The following TAOK1 variants were observed in gnomAD, a reference collection of about 807,000 sequenced individuals.
TAOK1 encodes serine/threonine-protein kinase TAO1.
A neutral mutation model predicts 138.3 loss-of-function variants in TAOK1; 21 were observed. The observed-to-expected ratio is 0.15, with a 90% confidence interval of 0.11 to 0.22. TAOK1 has a LOEUF of 0.22. TAOK1 is among the 10% of genes least tolerant of loss of function. The probability of loss-of-function intolerance (pLI) is 1.00; values close to 1 mark genes in which losing one functional copy is unlikely to be tolerated. For missense variants in TAOK1, 651 were observed against 1,227.7 expected, an observed-to-expected ratio of 0.53 and a Z score of 7.02; for synonymous variants, 361 against 398.4, an observed-to-expected ratio of 0.91 and a Z score of 1.12.
intron 13 of TAOK1, among the ~76,000 whole-genome samples, chr17:29,505,972 A>G (rs591433): frequency 0.38 from 57,518 of 152,058 alleles, 12,098 homozygotes; most frequent in Non-Finnish European, 0.48. Flanking sequence ...GATGAAAGAT[A>G]ACAAGTATTG....
At chr17:29,394,127 T>C (rs1199954466) in intron 1 of TAOK1, among the ~76,000 whole-genome samples, 1 of 150,524 alleles carries the variant, frequency 6.6e-6, no homozygotes, top group Non-Finnish European at 1.5e-5. Flanking sequence ...ACCATGAGTA[T>C]GATTTATTTT....
chr17:29,532,504 G>A (rs2032136870), intron 18 of TAOK1, among the ~76,000 whole-genome samples: 1 of 152,066 alleles, frequency 6.6e-6, no homozygotes, highest in South Asian at 2.1e-4. Flanking sequence ...CCTTCCCAGT[G>A]TTTGTGTCCC....
rs1195053583 is a variant in TAOK1, at chr17:29,549,595, A to G, written c.*6573A>G. On this transcript the variant is annotated 3_prime_UTR_variant, in exon 20 of 20. Coordinates refer to ENST00000261716, the MANE Select transcript of TAOK1 (RefSeq NM_020791.4). ...TACCGTAAATTGCACATGGTCATGG[A>G]CTGAATTATGTGACTTTAAAGGATG... 6.6e-6 allele frequency: 1 copy of G among 152,138 alleles called. No homozygotes were observed. Among genetic ancestry groups the G allele is most frequent in the Non-Finnish European group, 1.5e-5 (1 of 68,012 alleles). The allele number at this position is 152,138 out of a possible 1,614,324, so 9.4% of individuals were successfully genotyped here.
intron 1 of TAOK1, among the ~76,000 whole-genome samples, chr17:29,424,553 G>C (rs1276913170): frequency 1.3e-5 from 2 of 151,882 alleles, no homozygotes; most frequent in Non-Finnish European, 2.9e-5. Flanking sequence ...GGTTGCTAAA[G>C]TATAGAAGTT....
intron 3 of TAOK1, among the ~76,000 whole-genome samples, chr17:29,470,767 CAATAAAGCAAATATCAT>C (rs1450657443): frequency 2.0e-5 from 3 of 152,048 alleles, no homozygotes; most frequent in African/African-American, 7.2e-5. Flanking sequence ...TCAACCACTA[CAATAAAGCAAATATCAT>C]AATAAAGCAA....
At chr17:29,490,646 G>T (rs1400439622) in intron 9 of TAOK1, among the ~76,000 whole-genome samples, 1 of 152,128 alleles carries the variant, frequency 6.6e-6, no homozygotes, top group Admixed American at 6.6e-5. Flanking sequence ...TATATAGAAC[G>T]AATCTTTTGA....
chr17:29,469,693 T>C (rs1482004362), intron 3 of TAOK1, among the ~76,000 whole-genome samples: 1 of 152,242 alleles, frequency 6.6e-6, no homozygotes, highest in African/African-American at 2.4e-5. Context: ...TCTACATATG[T>C]ATCTATATCT....
intron 16 of TAOK1, among the ~76,000 whole-genome samples, chr17:29,519,313 C>T (rs898694595): frequency 2.0e-5 from 3 of 151,948 alleles, no homozygotes; most frequent in Non-Finnish European, 4.4e-5. Flanking sequence ...GAGTTTGAGA[C>T]CAGCCTGGCC....
chr17:29,542,644 A>C lies in TAOK1; in HGVS notation c.2628A>C (p.Glu876Asp). The change falls in exon 20 of 20, where the codon GAA becomes GAC. Residue 876 changes from glutamate to aspartate, a missense_variant. By Grantham distance (45) the Glu-to-Asp change is conservative. This residue lies in a region of TAOK1 where 258 missense variants were observed against 548.9 expected (regional missense o/e 0.47). Coordinates refer to ENST00000261716, the MANE Select transcript of TAOK1 (RefSeq NM_020791.4). ...TGGAACGTCAAGCCAGAGAGATTGA[A>C]GCTTTTGACTCTGAAAGCATGAGAC... ...SLLERQAREI[E>D]AFDSESMRLG... The C allele has an allele frequency of 6.2e-7, 1 of 1,614,252 alleles. No individual in the cohort carries two copies. Among genetic ancestry groups the C allele is most frequent in the Non-Finnish European group, 8.5e-7 (1 of 1,180,048 alleles).
intron 18 of TAOK1, among the ~76,000 whole-genome samples, chr17:29,532,106 C>T (rs937131986): frequency 1.3e-5 from 2 of 152,128 alleles, no homozygotes; most frequent in African/African-American, 2.4e-5. Flanking sequence ...GTGATCCGCC[C>T]GCCTCAGCCT....
At chr17:29,509,634 C>T (rs1013202681) in intron 14 of TAOK1, among the ~76,000 whole-genome samples, 20 of 152,156 alleles carry the variant, frequency 1.3e-4, no homozygotes, top group Middle Eastern at 6.8e-3. Flanking sequence ...TGGCTCACAC[C>T]TGTAATCCCA....
At chr17:29,422,665 T>A (rs1905490378) in intron 1 of TAOK1, among the ~76,000 whole-genome samples, 1 of 152,250 alleles carries the variant, frequency 6.6e-6, no homozygotes, top group Non-Finnish European at 1.5e-5. Flanking sequence ...TATCACCTCT[T>A]TAATTCCTGA....
At chr17:29,497,234 C>T (rs2153028136) in intron 11 of TAOK1, among the ~76,000 whole-genome samples, 1 of 151,886 alleles carries the variant, frequency 6.6e-6, no homozygotes, top group East Asian at 1.9e-4. Context: ...GTGCTCAATA[C>T]TTTCTTTTCT....
Position 29,544,441 on chromosome 17 carries a change from G to A in TAOK1, c.*1419G>A, listed in dbSNP as rs1239668351. 2 of 152,328 alleles carry A rather than the reference G, an allele frequency of 1.3e-5. No individual in the cohort carries two copies. The highest frequency in any genetic ancestry group is 2.9e-5 in the Non-Finnish European group (2 of 68,022). 9.4% of individuals were successfully genotyped at this position (152,328 alleles called of 1,614,324 possible). On this transcript the variant is annotated 3_prime_UTR_variant, in exon 20 of 20. Coordinates refer to ENST00000261716, the MANE Select transcript of TAOK1 (RefSeq NM_020791.4). The stretch of plus-strand genomic sequence containing the variant: ...CCACTTCCACAAGTCTCAAGCCTCA[G>A]TGCTAAAGTACTACTGAAAAGGAAC...
chr17:29,397,683 A>ATT (rs57871191), intron 1 of TAOK1, among the ~76,000 whole-genome samples: 47,344 of 137,258 alleles, frequency 0.34, 10,040 homozygotes, highest in East Asian at 0.88. Context: ...ATACATGTAT[A>ATT]CATGTATATT....
chr17:29,492,661 G>A (rs959684541), intron 10 of TAOK1, among the ~76,000 whole-genome samples: 68 of 151,964 alleles, frequency 4.5e-4, no homozygotes, highest in African/African-American at 1.5e-3. Flanking sequence ...GCGTGGTGGC[G>A]CATGCCTGTA....
intron 1 of TAOK1, among the ~76,000 whole-genome samples, chr17:29,406,361 GA>G (rs536451803): frequency 2.5e-4 from 38 of 149,392 alleles, no homozygotes; most frequent in Middle Eastern, 3.4e-3. Flanking sequence ...TATGGGTCTT[GA>G]AAAAAAAATA....
At chr17:29,512,146 C>G (rs908066808) in intron 15 of TAOK1, 4 of 141,762 alleles carry the variant, frequency 2.8e-5, no homozygotes, top group East Asian at 2.2e-4. Context: ...TCCCCTCCCC[C>G]CAGGTTGAAA....
At chr17:29,530,994 C>T (rs1439176362) in intron 18 of TAOK1, among the ~76,000 whole-genome samples, 1 of 52,044 alleles carries the variant, frequency 1.9e-5, no homozygotes, top group Admixed American at 2.8e-4. Flanking sequence ...CGGAGTCTCA[C>T]TCTGTCACCC....
Sources: allele counts gnomAD v4.1 joint callset (sites outside exome capture counted in the v4.1 genomes callset), GRCh38; gene constraint gnomAD v4.1.1; regional missense constraint gnomAD v4.1.1; transcripts MANE v1.5; gene names NCBI Gene and HGNC (gene_info 2026-07-23, HGNC 2026-07-21).